The following PELI2 variants were observed in gnomAD, a reference collection of about 807,000 sequenced individuals.
The protein encoded by PELI2 is E3 ubiquitin-protein ligase pellino homolog 2.
Under a neutral mutation model 42.3 loss-of-function variants are expected in PELI2, and 23 were observed. The ratio of observed to expected loss-of-function variants is 0.54; its 90% confidence interval spans 0.39 to 0.77. The LOEUF (loss-of-function observed/expected upper bound fraction) is 0.77. Among genes scored for constraint, PELI2 ranks in the 30% least tolerant of loss-of-function variants. The probability of loss-of-function intolerance (pLI) is 0.00; values close to 1 mark genes in which losing one functional copy is unlikely to be tolerated. For missense variants in PELI2, 463 were observed against 553.2 expected, an observed-to-expected ratio of 0.84 and a Z score of 1.64; for synonymous variants, 245 against 212.2, an observed-to-expected ratio of 1.15 and a Z score of -1.34.
chr14:56,168,284 G>C (rs73290616), intron 1 of PELI2, among the ~76,000 whole-genome samples: 6,609 of 152,250 alleles, frequency 0.043, 497 homozygotes, highest in African/African-American at 0.15. Flanking sequence ...GACCCTGGGT[G>C]GGTCCAAAAG....
At chr14:56,155,677 G>A (rs1555343692) in intron 1 of PELI2, among the ~76,000 whole-genome samples, 1 of 151,732 alleles carries the variant, frequency 6.6e-6, no homozygotes, top group Non-Finnish European at 1.5e-5. Context: ...CGCCTCCCGG[G>A]TTCGCCCCAT....
At chr14:56,204,603 C>T (rs4898887) in intron 2 of PELI2, among the ~76,000 whole-genome samples, 61,105 of 151,568 alleles carry the variant, frequency 0.4, 13,019 homozygotes, top group South Asian at 0.53. Flanking sequence ...GTGTGGAGCT[C>T]GGAAGTGGGG....
chr14:56,264,138 G>A (rs1435895124), intron 2 of PELI2, among the ~76,000 whole-genome samples: 1 of 152,132 alleles, frequency 6.6e-6, no homozygotes, highest in Non-Finnish European at 1.5e-5. Flanking sequence ...CACATTCCCA[G>A]GTGAGGTCCA....
chr14:56,158,039 T>C (rs1884628602), intron 1 of PELI2, among the ~76,000 whole-genome samples: 1 of 152,200 alleles, frequency 6.6e-6, no homozygotes, highest in Non-Finnish European at 1.5e-5. Flanking sequence ...CTTCTTCTTC[T>C]TATTTTGAGA....
chr14:56,206,665 C>T (rs909630258), intron 2 of PELI2, among the ~76,000 whole-genome samples: 2 of 152,238 alleles, frequency 1.3e-5, no homozygotes, highest in East Asian at 3.9e-4. Flanking sequence ...ATCACCAGCC[C>T]GTGCAGTATT....
At chr14:56,207,903 G>T (rs1031749977) in intron 2 of PELI2, among the ~76,000 whole-genome samples, 2 of 152,206 alleles carry the variant, frequency 1.3e-5, no homozygotes, top group African/African-American at 4.8e-5. Flanking sequence ...GACAGACTGT[G>T]GACCTTTATC....
intron 2 of PELI2, among the ~76,000 whole-genome samples, chr14:56,245,572 G>A (rs1044374204): frequency 1.3e-5 from 2 of 151,992 alleles, no homozygotes; most frequent in Non-Finnish European, 2.9e-5. Context: ...TGTTATTCTG[G>A]CCTGGTGTTT....
At chr14:56,254,755 T>C (rs1888464895) in intron 2 of PELI2, among the ~76,000 whole-genome samples, 1 of 152,190 alleles carries the variant, frequency 6.6e-6, no homozygotes, top group Non-Finnish European at 1.5e-5. Context: ...GACAAAGGGC[T>C]AATATCCAGA....
chr14:56,239,248 A>G (rs1342498343), intron 2 of PELI2, among the ~76,000 whole-genome samples: 1 of 152,214 alleles, frequency 6.6e-6, no homozygotes, highest in Admixed American at 6.5e-5. Context: ...GTGAGTTTTA[A>G]ATAGTCTAGA....
intron 2 of PELI2, among the ~76,000 whole-genome samples, chr14:56,227,672 C>T (rs1167407208): frequency 6.6e-6 from 1 of 152,168 alleles, no homozygotes; most frequent in Admixed American, 6.5e-5. Context: ...ACTCCAGTAG[C>T]AGTAAGTACA....
Position 56,223,143 on chromosome 14 carries a change from A to C in PELI2, c.207+44679A>C, listed in dbSNP as rs191529418. ...ACAGCCTGTGGCCAAAACCCAAAGG[A>C]ATAAAGAGGGCCCTGGAAAACCCAA... On this transcript the variant is annotated intron_variant, in intron 2 of 5. Coordinates refer to ENST00000267460, the MANE Select transcript of PELI2 (RefSeq NM_021255.3). Among the ~76,000 whole-genome samples, 5 of 152,242 alleles carry C rather than the reference A, an allele frequency of 3.3e-5. No homozygotes were observed. In the East Asian group the frequency reaches 7.7e-4, roughly 24 times the overall value.
intron 1 of PELI2, among the ~76,000 whole-genome samples, chr14:56,173,538 C>T (rs1410927674): frequency 2.0e-5 from 3 of 152,086 alleles, no homozygotes; most frequent in Non-Finnish European, 4.4e-5. Context: ...AACACATTAC[C>T]ACAAACTTGG....
chr14:56,146,567 A>G (rs1170000845), intron 1 of PELI2, among the ~76,000 whole-genome samples: 1 of 152,196 alleles, frequency 6.6e-6, no homozygotes, highest in East Asian at 1.9e-4. Flanking sequence ...GGATTTTGCC[A>G]GGTTGACATG....
At chr14:56,227,323 A>G (rs1444445713) in intron 2 of PELI2, among the ~76,000 whole-genome samples, 2 of 152,192 alleles carry the variant, frequency 1.3e-5, no homozygotes, top group Admixed American at 6.5e-5. Flanking sequence ...GAGCCCACTT[A>G]GAGTGAGGAG....
intron 2 of PELI2, among the ~76,000 whole-genome samples, chr14:56,230,508 G>T (rs1029431020): frequency 7.2e-5 from 11 of 152,118 alleles, no homozygotes; most frequent in African/African-American, 1.9e-4. Context: ...CTAAGCTTCA[G>T]AAGTGAAGGA....
At chr14:56,271,103 G>C (rs894086890) in intron 2 of PELI2, among the ~76,000 whole-genome samples, 9 of 152,168 alleles carry the variant, frequency 5.9e-5, no homozygotes, top group Admixed American at 2.6e-4. Context: ...GGGATAATTA[G>C]TACCTGCCCA....
At chr14:56,142,142 T>C (rs1883935487) in intron 1 of PELI2, among the ~76,000 whole-genome samples, 1 of 152,204 alleles carries the variant, frequency 6.6e-6, no homozygotes, top group Non-Finnish European at 1.5e-5. Context: ...TGTAAAATTT[T>C]GGCTCACCCT....
intron 1 of PELI2, among the ~76,000 whole-genome samples, chr14:56,123,885 G>A (rs1185233619): frequency 6.6e-6 from 1 of 152,244 alleles, no homozygotes; most frequent in Non-Finnish European, 1.5e-5. Context: ...TATCTGCTGT[G>A]CAGGGCTTGC....
At chr14:56,289,446 TCTTC>T (rs1889754705) in intron 4 of PELI2, among the ~76,000 whole-genome samples, 1 of 152,210 alleles carries the variant, frequency 6.6e-6, no homozygotes, top group African/African-American at 2.4e-5. Flanking sequence ...AAGCACTGTT[TCTTC>T]CTTGTCTCTT....
Sources: gnomAD v4.1 joint callset for allele counts (sites outside exome capture counted in the v4.1 genomes callset) on GRCh38, gnomAD v4.1.1 for gene constraint, MANE v1.5 for transcripts, NCBI Gene and HGNC (gene_info 2026-07-23, HGNC 2026-07-21) for gene names.